Variants in FOCAD observed in about 807,000 individuals in gnomAD.
FOCAD encodes focadhesin.
In FOCAD, 198 loss-of-function variants were observed where a neutral mutation model predicts 225.6. The observed-to-expected ratio is 0.88, with a 90% CI of 0.78 to 0.99. The LOEUF (loss-of-function observed/expected upper bound fraction) is 0.99, where lower values mean the gene tolerates loss of function less well. Ranked by LOEUF, FOCAD falls within the 50% of genes least tolerant of loss-of-function variation. The pLI is 0.00. For missense variants in FOCAD, 2,713 were observed against 2,123.6 expected, an observed-to-expected ratio of 1.28 and a Z score of -5.46; for synonymous variants, 897 against 755.0, an observed-to-expected ratio of 1.19 and a Z score of -3.08.
At chr9:20,755,029 G>T (rs1828924669) in intron 5 of FOCAD, among the ~76,000 whole-genome samples, 1 of 152,120 alleles carries the variant, frequency 6.6e-6, no homozygotes, top group Non-Finnish European at 1.5e-5. Flanking sequence ...AGTTATAATT[G>T]ATTATAGGTT....
intron 11 of FOCAD, among the ~76,000 whole-genome samples, chr9:20,815,137 G>GTTTTTTTTTTTTTGT (rs1823568393): frequency 1.4e-5 from 1 of 69,116 alleles, no homozygotes; most frequent in African/African-American, 6.0e-5. Context: ...TTTTTTTTTT[G>GTTTTTTTTTTTTTGT]TTTTTTTTTT....
intron 28 of FOCAD, 104 bp from the exon 29 acceptor site, chr9:20,944,523 C>A: frequency 7.8e-7 from 1 of 1,286,042 alleles, no homozygotes; most frequent in Non-Finnish European, 1.1e-6. Flanking sequence ...TTGAATCCAG[C>A]CATCTCACCA....
chr9:20,973,321 T>G (rs1287216516), intron 35 of FOCAD, among the ~76,000 whole-genome samples: 2 of 152,082 alleles, frequency 1.3e-5, no homozygotes, highest in African/African-American at 2.4e-5. Flanking sequence ...TGCTTCCGTC[T>G]TCTTTCAGCA....
intron 6 of FOCAD, among the ~76,000 whole-genome samples, chr9:20,761,860 A>T (rs918363979): frequency 2.6e-5 from 4 of 151,438 alleles, no homozygotes; most frequent in African/African-American, 9.7e-5. Context: ...TCACTTTGGG[A>T]TTTCAGATTA....
chr9:20,855,438 C>T (rs2891149), intron 15 of FOCAD, among the ~76,000 whole-genome samples: 85,807 of 151,094 alleles, frequency 0.57, 24,540 homozygotes, highest in East Asian at 0.71. Context: ...TAATTTTTAT[C>T]ATTTTCAATA....
chr9:20,715,647 T>C (rs1825270126), intron 2 of FOCAD, among the ~76,000 whole-genome samples: 1 of 152,106 alleles, frequency 6.6e-6, no homozygotes, highest in African/African-American at 2.4e-5. Context: ...TTCCTAGAGA[T>C]AATAAAACCT....
intron 35 of FOCAD, among the ~76,000 whole-genome samples, chr9:20,959,036 C>T (rs1407304878): frequency 6.6e-6 from 1 of 152,034 alleles, no homozygotes; most frequent in African/African-American, 2.4e-5. Context: ...ATTTCCTTTC[C>T]TTTGGATACC....
intron 8 of FOCAD, among the ~76,000 whole-genome samples, chr9:20,773,180 C>T (rs1006117714): frequency 3.3e-5 from 5 of 152,138 alleles, no homozygotes; most frequent in Admixed American, 2.0e-4. Flanking sequence ...GTATAATTCT[C>T]TGACCATTTT....
chr9:20,891,833 T>C (rs772700328), intron 21 of FOCAD, among the ~76,000 whole-genome samples: 3 of 152,196 alleles, frequency 2.0e-5, no homozygotes, highest in Non-Finnish European at 4.4e-5. Flanking sequence ...ATTTTCAATG[T>C]AGGTGAAAGA....
At chr9:20,773,760 C>T (rs1818471408) in intron 8 of FOCAD, among the ~76,000 whole-genome samples, 2 of 152,012 alleles carry the variant, frequency 1.3e-5, no homozygotes, top group Admixed American at 1.3e-4. Context: ...CTTTCGTTTC[C>T]TCCCCCACTT....
chr9:20,953,753 T>G (rs1390616273), intron 35 of FOCAD, among the ~76,000 whole-genome samples: 1 of 152,186 alleles, frequency 6.6e-6, no homozygotes, highest in Non-Finnish European at 1.5e-5. Context: ...TCAGCTTCGT[T>G]ACCGTGATAT....
At chr9:20,944,224 T>C (rs1836950559) in intron 28 of FOCAD, among the ~76,000 whole-genome samples, 1 of 152,222 alleles carries the variant, frequency 6.6e-6, no homozygotes, top group South Asian at 2.1e-4. Context: ...TTTAGTCTTT[T>C]CTCTCCTTAT....
intron 6 of FOCAD, among the ~76,000 whole-genome samples, chr9:20,762,221 C>A (rs2130929433): frequency 6.6e-6 from 1 of 152,292 alleles, no homozygotes; most frequent in African/African-American, 2.4e-5. Context: ...TTTCTTAAAT[C>A]TCTTTTCTGG....
chr9:20,948,224 T>C (rs1262808397), intron 30 of FOCAD, 47 bp from the exon 31 acceptor site: 10 of 1,517,078 alleles, frequency 6.6e-6, no homozygotes, highest in Non-Finnish European at 8.9e-6. Flanking sequence ...TAAATCTGTG[T>C]CTTTTTTTTT....
At chr9:20,913,690 T>G (rs1833635782) in intron 23 of FOCAD, among the ~76,000 whole-genome samples, 1 of 152,206 alleles carries the variant, frequency 6.6e-6, no homozygotes, top group Non-Finnish European at 1.5e-5. Flanking sequence ...TGTATTTGAT[T>G]AATTGTATTC....
chr9:20,771,702 C>G (rs946579112), intron 8 of FOCAD, among the ~76,000 whole-genome samples: 1 of 152,186 alleles, frequency 6.6e-6, no homozygotes, highest in Non-Finnish European at 1.5e-5. Context: ...TTGCAGTGAG[C>G]CGAGATTGTG....
Position 20,959,364 on chromosome 9 carries a change from T to TC in FOCAD, c.4132+6303dup, listed in dbSNP as rs141796934. On this transcript the variant is annotated intron_variant, in intron 35 of 43. Coordinates refer to ENST00000338382, the MANE Select transcript of FOCAD (RefSeq NM_001375567.1). The stretch of plus-strand genomic sequence containing the variant: ...ATCTTTTGAGAAATATCTGTTAATT[T>TC]CCCCATCTTAAAATCAGATTGTTTA... Among the ~76,000 whole-genome samples, 336 of 152,272 alleles carry TC rather than the reference T, an allele frequency of 2.2e-3. 9 individuals carry two copies. In the East Asian group the frequency reaches 0.043, roughly 19 times the overall value.
chr9:20,927,055 G>A (rs916175772), intron 26 of FOCAD, among the ~76,000 whole-genome samples: 2 of 151,566 alleles, frequency 1.3e-5, no homozygotes, highest in Non-Finnish European at 2.9e-5. Flanking sequence ...ATACCAATGT[G>A]TAGTCCCCAC....
At chr9:20,801,939 G>A (rs1473655383) in intron 11 of FOCAD, among the ~76,000 whole-genome samples, 1 of 152,116 alleles carries the variant, frequency 6.6e-6, no homozygotes, top group Non-Finnish European at 1.5e-5. Flanking sequence ...TTTGTCTGTT[G>A]AGCACACAGT....
Sources: gnomAD v4.1 joint callset for allele counts (sites outside exome capture counted in the v4.1 genomes callset) on GRCh38, gnomAD v4.1.1 for gene constraint, MANE v1.5 for transcripts, NCBI Gene and HGNC (gene_info 2026-07-23, HGNC 2026-07-21) for gene names.